HCN1: variants seen among roughly 807,000 people sequenced by gnomAD.
HCN1 encodes potassium/sodium hyperpolarization-activated cyclic nucleotide-gated channel 1.
Under a neutral mutation model 78.9 loss-of-function variants are expected in HCN1, and 13 were observed. The ratio of observed to expected loss-of-function variants is 0.16; its 90% CI spans 0.11 to 0.26. The LOEUF is 0.26. HCN1 is among the 10% of genes least tolerant of loss of function. HCN1 has a pLI of 1.00. For missense variants in HCN1, 810 were observed against 1,154.3 expected (o/e 0.70, Z 4.32); for synonymous variants, 552 against 455.5 (o/e 1.21, Z -2.70).
chr5:45,589,495 G>C (rs1744310387), intron 2 of HCN1, among the ~76,000 whole-genome samples: 1 of 152,184 alleles, frequency 6.6e-6, no homozygotes, highest in South Asian at 2.1e-4. Flanking sequence ...AATTGACTCT[G>C]TTAAGGTCTT....
intron 4 of HCN1, among the ~76,000 whole-genome samples, chr5:45,371,748 C>T (rs1370391626): frequency 7.0e-6 from 1 of 143,422 alleles, no homozygotes; most frequent in Non-Finnish European, 1.5e-5. Context: ...CAGTGAGAGA[C>T]TCCATCTCAA....
intron 4 of HCN1, among the ~76,000 whole-genome samples, chr5:45,365,739 AT>A (rs1314358889): frequency 6.6e-6 from 1 of 151,852 alleles, no homozygotes; most frequent in African/African-American, 2.4e-5. Context: ...CGGTAGTTCT[AT>A]TTTTAGTTCT....
chr5:45,342,388 CCTGG>C (rs982062460), intron 5 of HCN1, among the ~76,000 whole-genome samples: 10 of 147,180 alleles, frequency 6.8e-5, no homozygotes, highest in Non-Finnish European at 1.3e-4. Context: ...TGCCACTACA[CCTGG>C]CTATTTTTTT....
intron 6 of HCN1, among the ~76,000 whole-genome samples, chr5:45,268,978 A>G (rs996789987): frequency 5.9e-5 from 9 of 152,266 alleles, no homozygotes; most frequent in Non-Finnish European, 1.3e-4. Flanking sequence ...TATGATTGCC[A>G]CATTATGGCA....
At chr5:45,676,806 A>C (rs964848269) in intron 1 of HCN1, among the ~76,000 whole-genome samples, 6 of 151,798 alleles carry the variant, frequency 4.0e-5, no homozygotes, top group Non-Finnish European at 7.4e-5. Context: ...CAGAGGAAAA[A>C]TGGGCAAAGG....
chr5:45,271,134 A>C (rs1048542537), intron 6 of HCN1, among the ~76,000 whole-genome samples: 1 of 152,064 alleles, frequency 6.6e-6, no homozygotes, highest in Non-Finnish European at 1.5e-5. Flanking sequence ...TCTTAACCCA[A>C]AGGTTTTCTA....
At chr5:45,416,886 C>A (rs1476463543) in intron 3 of HCN1, among the ~76,000 whole-genome samples, 1 of 151,942 alleles carries the variant, frequency 6.6e-6, no homozygotes, top group Non-Finnish European at 1.5e-5. Context: ...TAAAAAAGGA[C>A]AAAGGCAACA....
In HCN1 at chr5:45,585,852, C is replaced by T. The variant is rs529071447; in HGVS notation, c.849+59333G>A. On this transcript the variant is annotated intron_variant, in intron 2 of 7. Coordinates refer to ENST00000303230, the MANE Select transcript of HCN1 (RefSeq NM_021072.4). ...CTGCAGAACAGCGGATATTGGTGAA[C>T]AGCAAATGTTGCTGCCTGATCGTTC... Among the ~76,000 whole-genome samples the T allele has an allele frequency of 3.1e-4, 47 of 152,298 alleles. 1 individual carries two copies. In the East Asian group the frequency reaches 7.0e-3, roughly 23 times the overall value.
At chr5:45,338,388 T>A (rs182796194) in intron 5 of HCN1, among the ~76,000 whole-genome samples, 2 of 152,308 alleles carry the variant, frequency 1.3e-5, no homozygotes, top group Admixed American at 1.3e-4. Context: ...TATTTTAGGT[T>A]GAAATCATAC....
At chr5:45,374,878 G>C (rs1393424043) in intron 4 of HCN1, among the ~76,000 whole-genome samples, 1 of 143,782 alleles carries the variant, frequency 7.0e-6, no homozygotes, top group Non-Finnish European at 1.5e-5. Flanking sequence ...TGGTTCATGG[G>C]TATATATATA....
chr5:45,257,262 C>G lies in HCN1; in HGVS notation c.*4659G>C, dbSNP rs1561076750. On this transcript the variant is annotated 3_prime_UTR_variant, in exon 8 of 8. Transcript: ENST00000303230. ...GCCTTTCAGAAGGTTTTTGAAATCC[C>G]TATTTCCCACTTGATCTGGGTTCCT... 1 of 152,170 alleles carries G rather than the reference C, an allele frequency of 6.6e-6. No homozygotes were observed. The allele number at this position is 152,170 out of a possible 1,614,324, so 9.4% of individuals were successfully genotyped here. A position where few individuals can be genotyped will look rare whatever the true frequency, so the allele number is the denominator to read the frequency against.
chr5:45,676,218 T>C (rs1364431383), intron 1 of HCN1, among the ~76,000 whole-genome samples: 1 of 151,792 alleles, frequency 6.6e-6, no homozygotes, highest in Non-Finnish European at 1.5e-5. Flanking sequence ...GACCTGCTTT[T>C]TCATCATGAA....
intron 2 of HCN1, among the ~76,000 whole-genome samples, chr5:45,486,995 CTA>C (rs1300999760): frequency 2.0e-5 from 3 of 152,048 alleles, no homozygotes; most frequent in African/African-American, 7.2e-5. Flanking sequence ...AGTGTCTCTT[CTA>C]TGTTTCCATT....
At chr5:45,627,807 T>C (rs1203655366) in intron 2 of HCN1, among the ~76,000 whole-genome samples, 1 of 152,186 alleles carries the variant, frequency 6.6e-6, no homozygotes, top group East Asian at 1.9e-4. Flanking sequence ...ATATATTTAC[T>C]TTACTTAAGT....
chr5:45,349,751 C>T (rs569357682), intron 5 of HCN1, among the ~76,000 whole-genome samples: 162 of 152,140 alleles, frequency 1.1e-3, no homozygotes, highest in African/African-American at 5.3e-4. Flanking sequence ...AACACCTCTA[C>T]GCAAACTGAC....
At position 45,504,102 on chromosome 5, in the gene HCN1, C is replaced by A. The variant is rs367631710; in HGVS notation, c.850-42095G>T. Among the ~76,000 whole-genome samples, 313 of 151,918 alleles carry A rather than the reference C, an allele frequency of 2.1e-3. 2 individuals carry two copies. Among genetic ancestry groups the A allele is most frequent in the African/African-American group, 6.5e-3 (270 of 41,428 alleles). On this transcript the variant is annotated intron_variant, in intron 2 of 7. Transcript: ENST00000303230. Reference sequence around the variant, plus strand: ...GCCAGGACCACATTTTATTATTATTCTTCTTCTTATTATTATACATTAAGT... The same window carrying A: ...GCCAGGACCACATTTTATTATTATTATTCTTCTTATTATTATACATTAAGT...
intron 1 of HCN1, among the ~76,000 whole-genome samples, chr5:45,672,228 T>C (rs530160139): frequency 6.6e-6 from 1 of 151,804 alleles, no homozygotes; most frequent in South Asian, 2.1e-4. Flanking sequence ...AAATATCTAC[T>C]GTGCATAAAC....
intron 4 of HCN1, among the ~76,000 whole-genome samples, chr5:45,376,174 A>T (rs1299566789): frequency 8.8e-6 from 1 of 113,794 alleles, no homozygotes; most frequent in African/African-American, 3.6e-5. Context: ...ATAATATATA[A>T]TATATTACAT....
At chr5:45,317,988 A>C (rs1479049272) in intron 5 of HCN1, among the ~76,000 whole-genome samples, 1 of 152,196 alleles carries the variant, frequency 6.6e-6, no homozygotes, top group African/African-American at 2.4e-5. Context: ...TAGTTCAACC[A>C]TTGTGGAAGA....
Sources: allele counts gnomAD v4.1 joint callset (sites outside exome capture counted in the v4.1 genomes callset), GRCh38; gene constraint gnomAD v4.1.1; transcripts MANE v1.5; gene names NCBI Gene and HGNC (gene_info 2026-07-23, HGNC 2026-07-21).